PPFIBP2: variants seen among roughly 807,000 people sequenced by gnomAD.
PPFIBP2 encodes liprin-beta-2.
Under a neutral mutation model 118.3 loss-of-function variants are expected in PPFIBP2, and 118 were observed. The ratio of observed to expected loss-of-function variants is 1.00; its 90% CI spans 0.86 to 1.16. The LOEUF is 1.16. Ranked by LOEUF, PPFIBP2 falls within the 50% of genes most tolerant of loss-of-function variation. The probability of loss-of-function intolerance (pLI) is 0.00; values close to 1 mark genes in which losing one functional copy is unlikely to be tolerated. For missense variants in PPFIBP2, 1,195 were observed against 1,073.1 expected (o/e 1.11, Z -1.59); for synonymous variants, 414 against 397.4 (o/e 1.04, Z -0.50).
At chr11:7,636,605 C>G (rs894836211) in intron 14 of PPFIBP2, among the ~76,000 whole-genome samples, 1 of 152,146 alleles carries the variant, frequency 6.6e-6, no homozygotes, top group African/African-American at 2.4e-5. Flanking sequence ...AGAGGTCATT[C>G]GCAGGTGTTT....
At chr11:7,573,238 C>T (rs1023922414) in intron 3 of PPFIBP2, among the ~76,000 whole-genome samples, 3 of 152,200 alleles carry the variant, frequency 2.0e-5, no homozygotes, top group Non-Finnish European at 4.4e-5. Context: ...ACTAGAACCC[C>T]CTCAGGTCCA....
At chr11:7,588,019 T>C (rs1162959325) in intron 3 of PPFIBP2, among the ~76,000 whole-genome samples, 1 of 152,212 alleles carries the variant, frequency 6.6e-6, no homozygotes. Flanking sequence ...CCACAATTCA[T>C]GGTGAAGTTT....
chr11:7,623,443 C>A (rs1184164047), intron 7 of PPFIBP2, among the ~76,000 whole-genome samples: 1 of 152,210 alleles, frequency 6.6e-6, no homozygotes, highest in African/African-American at 2.4e-5. Flanking sequence ...CTGGACTGTT[C>A]TTGGCCTTCC....
At chr11:7,621,147 G>A in intron 7 of PPFIBP2, 120 bp downstream of exon 7, 1 of 730,200 alleles carries the variant, frequency 1.4e-6, no homozygotes. Flanking sequence ...CCTCCAGTGT[G>A]GACACACAGC....
At chr11:7,666,331 G>C in the PPFIBP2 span, 1 of 679,014 alleles carries the variant, frequency 1.5e-6, no homozygotes, top group African/African-American at 1.8e-5. Flanking sequence ...CAGAGCCCCA[G>C]GCTTAACCCC....
intron 1 of PPFIBP2, among the ~76,000 whole-genome samples, chr11:7,541,526 GCTC>G (rs1296709939): frequency 2.0e-5 from 3 of 152,160 alleles, no homozygotes; most frequent in Non-Finnish European, 2.9e-5. Context: ...ACTTCTGGCT[GCTC>G]CTCCTGTCTC....
intron 5 of PPFIBP2, among the ~76,000 whole-genome samples, chr11:7,599,017 C>A (rs1410916264): frequency 7.0e-6 from 1 of 143,774 alleles, no homozygotes; most frequent in Non-Finnish European, 1.5e-5. Flanking sequence ...ATTCTTGGCG[C>A]CATTTGATTT....
At chr11:7,540,260 G>A (rs892822486) in intron 1 of PPFIBP2, among the ~76,000 whole-genome samples, 10 of 152,184 alleles carry the variant, frequency 6.6e-5, no homozygotes, top group Non-Finnish European at 1.0e-4. Context: ...TGGGGGGGCG[G>A]TGAGGCTGGA....
Position 7,632,790 on chromosome 11 carries a change from T to C in PPFIBP2, c.1069-77T>C, listed in dbSNP as rs1850943471. On this transcript the variant is annotated intron_variant, in intron 11 of 23. Coordinates refer to ENST00000299492, the MANE Select transcript of PPFIBP2 (RefSeq NM_003621.5). ...GGAAATGTCTCCCTAAAAGGAATCA[T>C]GTGAAGCAGGGGGAAAGATGGTGGG... 12 of 1,166,938 alleles carry C rather than the reference T, an allele frequency of 1.0e-5. No homozygotes were observed. In the South Asian group the frequency reaches 1.4e-4, roughly 13 times the overall value. 72.3% of individuals were successfully genotyped at this position (1,166,938 alleles called of 1,614,324 possible). A position where few individuals can be genotyped will look rare whatever the true frequency, so the allele number is the denominator to read the frequency against.
chr11:7,630,827 T>G, intron 10 of PPFIBP2, 98 bp from the exon 11 acceptor site: 1 of 888,444 alleles, frequency 1.1e-6, no homozygotes, highest in Non-Finnish European at 1.9e-6. Flanking sequence ...TCTTAGTCCT[T>G]CTTAATGAAG....
intron 23 of PPFIBP2, 27 bp downstream of exon 23, chr11:7,651,871 G>C (rs1317685330): frequency 1.3e-6 from 2 of 1,586,964 alleles, no homozygotes; most frequent in East Asian, 4.5e-5. Context: ...TTCTGGGTGG[G>C]CCCTGGGCTG....
intron 1 of PPFIBP2, among the ~76,000 whole-genome samples, chr11:7,526,463 C>A (rs1850238201): frequency 6.6e-6 from 1 of 152,214 alleles, no homozygotes; most frequent in South Asian, 2.1e-4. Flanking sequence ...AACTAAGAAG[C>A]TGGACTTTAC....
At chr11:7,612,252 A>G (rs1189616288) in intron 6 of PPFIBP2, among the ~76,000 whole-genome samples, 6 of 152,206 alleles carry the variant, frequency 3.9e-5, no homozygotes. Flanking sequence ...AGCCATCAGT[A>G]GCTCCGGAAT....
At chr11:7,525,415 G>A (rs1850136159) in intron 1 of PPFIBP2, among the ~76,000 whole-genome samples, 2 of 151,598 alleles carry the variant, frequency 1.3e-5, no homozygotes, top group African/African-American at 4.9e-5. Context: ...AAGCTTGAGA[G>A]AAATCATTTA....
chr11:7,663,418 C>A, the PPFIBP2 span, among the ~76,000 whole-genome samples: 2 of 151,872 alleles, frequency 1.3e-5, no homozygotes, highest in Admixed American at 6.6e-5. Flanking sequence ...TGTGAGGTGT[C>A]GGTGTGCCCC....
chr11:7,666,153 CTG>C, the PPFIBP2 span: 1 of 601,214 alleles, frequency 1.7e-6, no homozygotes, highest in South Asian at 2.0e-5. Context: ...TATGTGATGG[CTG>C]TGTGGAATGG....
intron 3 of PPFIBP2, among the ~76,000 whole-genome samples, chr11:7,590,884 T>C (rs1859140264): frequency 6.6e-6 from 1 of 152,258 alleles, no homozygotes; most frequent in South Asian, 2.1e-4. Context: ...AAAATCTGTC[T>C]ATGAAAACGT....
In PPFIBP2 at chr11:7,546,929, G is replaced by A. The variant is rs576361169; in HGVS notation, c.-36-2511G>A. 1.5e-3 allele frequency among the ~76,000 whole-genome samples: 229 copies of A among 152,266 alleles called. 2 individuals carry two copies. Among genetic ancestry groups the A allele is most frequent in the South Asian group, 9.1e-3 (44 of 4,818 alleles). ...TCCACTAGATTGTGTGGTTCATGGG[G>A]GCAGATACTAGGTCTGATTTATCAG... On this transcript the variant is annotated intron_variant, in intron 1 of 23. Transcript: ENST00000299492.
At chr11:7,560,251 G>T (rs2134660132) in intron 2 of PPFIBP2, among the ~76,000 whole-genome samples, 1 of 152,324 alleles carries the variant, frequency 6.6e-6, no homozygotes, top group East Asian at 1.9e-4. Context: ...CTAGCATCCT[G>T]TGGGGACTTT....
Sources: gnomAD v4.1 joint callset for allele counts (sites outside exome capture counted in the v4.1 genomes callset) on GRCh38, gnomAD v4.1.1 for gene constraint, MANE v1.5 for transcripts, NCBI Gene and HGNC (gene_info 2026-07-23, HGNC 2026-07-21) for gene names.